Variants in ARHGAP29 observed in about 807,000 individuals in gnomAD.
The protein encoded by ARHGAP29 is Rho GTPase activating protein 29, also known as rho GTPase-activating protein 29.
ARHGAP29 carries 43 observed loss-of-function variants against 122.6 expected under a neutral mutation model. That is an observed-to-expected ratio of 0.35 (90% CI 0.27 to 0.45). The LOEUF (loss-of-function observed/expected upper bound fraction) is 0.45. Among genes scored for constraint, ARHGAP29 ranks in the 20% least tolerant of loss-of-function variants. The probability of loss-of-function intolerance (pLI) is 1.00; values close to 1 mark genes in which losing one functional copy is unlikely to be tolerated. For missense variants in ARHGAP29, 1,303 were observed against 1,477.2 expected, an observed-to-expected ratio of 0.88 and a Z score of 1.93; for synonymous variants, 506 against 497.1, an observed-to-expected ratio of 1.02 and a Z score of -0.24.
At chr1:94,261,644 T>G (rs1654559870) in intron 1 of ARHGAP29, among the ~76,000 whole-genome samples, 1 of 152,018 alleles carries the variant, frequency 6.6e-6, no homozygotes, top group Non-Finnish European at 1.5e-5. Context: ...GGAACGCAAT[T>G]CCATTCACAA....
intron 22 of ARHGAP29, among the ~76,000 whole-genome samples, chr1:94,176,431 T>C (rs1649096896): frequency 6.6e-6 from 1 of 152,192 alleles, no homozygotes; most frequent in African/African-American, 2.4e-5. Context: ...GGTTCAAATG[T>C]ATTAAGAGAA....
the ARHGAP29 span, chr1:94,302,379 T>C: frequency 6.0e-6 from 2 of 335,748 alleles, no homozygotes; most frequent in Non-Finnish European, 1.2e-5. Flanking sequence ...AAAGGGTCAT[T>C]ACCTCTGCCC....
At chr1:94,267,041 C>G (rs1327787145) in intron 1 of ARHGAP29, among the ~76,000 whole-genome samples, 1 of 152,176 alleles carries the variant, frequency 6.6e-6, no homozygotes, top group Non-Finnish European at 1.5e-5. Context: ...GCTATCATGC[C>G]TTCCTCAGGA....
In ARHGAP29 at chr1:94,185,041, C is replaced by G. The variant is rs748894382; in HGVS notation, c.1940G>C (p.Arg647Pro). ...AATGACTAAATTTTCCAAACACTTT[C>G]GATGACAAACAAGGAGACACTACAA... ...ECEECLLVCH[R>P]KCLENLVIIC... Residue 647 changes from arginine to proline, a missense_variant, in exon 18 of 23, where the codon CGA (arginine) becomes CCA (proline). Physicochemically the swap from Arg to Pro is moderately radical, Grantham distance 103. Around this residue, in one of 3 missense-constraint regions of ARHGAP29, gnomAD observed 91 missense variants for 177.8 expected, o/e 0.51. Coordinates refer to ENST00000260526, the MANE Select transcript of ARHGAP29 (RefSeq NM_004815.4). 1.2e-6 allele frequency: 2 copies of G among 1,611,282 alleles called. No homozygotes were observed. Among genetic ancestry groups the G allele is most frequent in the Non-Finnish European group, 1.7e-6 (2 of 1,179,040 alleles).
At chr1:94,247,709 C>A (rs1653872017) in intron 1 of ARHGAP29, among the ~76,000 whole-genome samples, 1 of 151,552 alleles carries the variant, frequency 6.6e-6, no homozygotes, top group Non-Finnish European at 1.5e-5. Flanking sequence ...ACAGACACCA[C>A]CACCACCACC....
the ARHGAP29 span, among the ~76,000 whole-genome samples, chr1:94,289,742 G>A: frequency 6.6e-6 from 1 of 152,192 alleles, no homozygotes; most frequent in South Asian, 2.1e-4. Context: ...TGCATCTATT[G>A]AGATAATCAT....
intron 1 of ARHGAP29, among the ~76,000 whole-genome samples, chr1:94,257,331 G>A (rs1298535643): frequency 6.6e-6 from 1 of 152,038 alleles, no homozygotes; most frequent in Non-Finnish European, 1.5e-5. Flanking sequence ...GAACCCTGGA[G>A]GTGGAGGTTG....
At position 94,184,881 on chromosome 1, in the gene ARHGAP29, C is replaced by G; in HGVS notation, c.2100G>C (p.Leu700Phe). The change falls in exon 18 of 23, where the codon TTG becomes TTC. Residue 700 changes from leucine to phenylalanine, a missense_variant. Coordinates refer to ENST00000260526, the MANE Select transcript of ARHGAP29 (RefSeq NM_004815.4). The stretch of plus-strand genomic sequence containing the variant: ...AAGAGTTATAATGTACCTGTAGACA[C>G]AAAGCTCTATTTTCAATCTCTGAGG... ...ICASEIENRA[L>F]CLQGIYRVCG... is the part of the protein sequence containing the mutation. 1.9e-6 allele frequency: 3 copies of G among 1,594,234 alleles called. No individual in the cohort carries two copies. The highest frequency in any genetic ancestry group is 1.7e-6 in the Non-Finnish European group (2 of 1,173,472).
At chr1:94,259,668 C>A (rs927121846) in intron 1 of ARHGAP29, among the ~76,000 whole-genome samples, 2 of 152,116 alleles carry the variant, frequency 1.3e-5, no homozygotes, top group Non-Finnish European at 2.9e-5. Context: ...GGAGAAGCAA[C>A]GAGGGATTCA....
the ARHGAP29 span, among the ~76,000 whole-genome samples, chr1:94,287,162 T>A: frequency 3.3e-5 from 5 of 152,174 alleles, no homozygotes; most frequent in Admixed American, 2.6e-4. Flanking sequence ...GTAAACACTT[T>A]CGTTTACTGG....
intron 12 of ARHGAP29, among the ~76,000 whole-genome samples, chr1:94,199,952 G>T (rs1650732498): frequency 6.6e-6 from 1 of 152,132 alleles, no homozygotes; most frequent in Non-Finnish European, 1.5e-5. Context: ...TGCTAAAAAT[G>T]AACCTCAACC....
At chr1:94,246,242 C>T (rs1570599283) in intron 1 of ARHGAP29, among the ~76,000 whole-genome samples, 1 of 152,164 alleles carries the variant, frequency 6.6e-6, no homozygotes, top group Admixed American at 6.5e-5. Flanking sequence ...TTGAAATAAG[C>T]ATTTCTGGCA....
chr1:94,181,809 A>C (rs1360503678), intron 19 of ARHGAP29, among the ~76,000 whole-genome samples: 2 of 152,248 alleles, frequency 1.3e-5, no homozygotes, highest in Non-Finnish European at 2.9e-5. Context: ...GCCACAAGCC[A>C]CATGTGGCTA....
intron 12 of ARHGAP29, 103 bp from the exon 13 acceptor site, chr1:94,190,186 G>A (rs1650053447): frequency 1.7e-6 from 2 of 1,209,608 alleles, no homozygotes; most frequent in Non-Finnish European, 2.3e-6. Flanking sequence ...GCCATACAGT[G>A]AAGCATACAA....
chr1:94,196,268 T>C (rs1290924668), intron 12 of ARHGAP29, among the ~76,000 whole-genome samples: 1 of 140,586 alleles, frequency 7.1e-6, no homozygotes, highest in African/African-American at 2.6e-5. Flanking sequence ...TTTTTTTTTT[T>C]TTTTTTTTTT....
chr1:94,264,835 G>C lies in ARHGAP29; in HGVS notation c.-33+10177C>G, dbSNP rs141193233. Among the ~76,000 whole-genome samples, 105 of 152,272 alleles carry C rather than the reference G, an allele frequency of 6.9e-4. 1 individual carries two copies. In the East Asian group the frequency reaches 0.019, roughly 28 times the overall value. On this transcript the variant is annotated intron_variant and NMD_transcript_variant, in intron 1 of 25. Transcript: ENST00000552844. ...GCTTTGACTTTGGCACTTGTGAAAT[G>C]GGGCTATATTTTCTATGCATTTGTT...
the ARHGAP29 span, among the ~76,000 whole-genome samples, chr1:94,308,868 G>A: frequency 6.6e-6 from 1 of 152,234 alleles, no homozygotes; most frequent in Non-Finnish European, 1.5e-5. Context: ...GAACCTTTGG[G>A]TAAATGCTGC....
the ARHGAP29 span, among the ~76,000 whole-genome samples, chr1:94,287,379 G>A: frequency 6.6e-6 from 1 of 151,908 alleles, no homozygotes; most frequent in Non-Finnish European, 1.5e-5. Context: ...GCTCTTGCTA[G>A]CTCTGTCTTT....
chr1:94,291,443 C>G, the ARHGAP29 span, among the ~76,000 whole-genome samples: 1 of 152,072 alleles, frequency 6.6e-6, no homozygotes, highest in Non-Finnish European at 1.5e-5. Context: ...GGCATTTAGC[C>G]CATTTACATT....
Sources: gnomAD v4.1 joint callset for allele counts (sites outside exome capture counted in the v4.1 genomes callset) on GRCh38, gnomAD v4.1.1 for gene constraint, gnomAD v4.1.1 regional missense constraint, MANE v1.5 for transcripts, NCBI Gene and HGNC (gene_info 2026-07-23, HGNC 2026-07-21) for gene names.